IPO7: variants seen among roughly 807,000 people sequenced by gnomAD.
IPO7 encodes the protein importin-7.
A neutral mutation model predicts 136.4 loss-of-function variants in IPO7; 13 were observed. The observed-to-expected ratio is 0.10, with a 90% CI of 0.06 to 0.15. The LOEUF is 0.15. Among genes scored for constraint, IPO7 ranks in the 10% least tolerant of loss-of-function variants. The pLI is 1.00. For synonymous variants in IPO7, 403 were observed against 404.4 expected (o/e 1.00, Z 0.04); for missense variants, 857 against 1,240.6 (o/e 0.69, Z 4.65).
At chr11:9,392,171 C>CTTTTTTTTTTTT in intron 1 of IPO7, 10 of 183,702 alleles carry the variant, frequency 5.4e-5, no homozygotes, top group South Asian at 1.7e-4. Context: ...TTGTCAAATT[C>CTTTTTTTTTTTT]TTTTTTTTTT....
In IPO7 at chr11:9,429,241, G is replaced by A. The variant is rs201811941; in HGVS notation, c.1591+45G>A. On this transcript the variant is annotated intron_variant, in intron 14 of 24. Transcript: ENST00000379719. ...CAAGAAAAGTGAATGTTGGCCAGGTGCGGTAGGTCACACCTGTAATCTTAG... is the reference window on the plus strand; with the variant it reads ...CAAGAAAAGTGAATGTTGGCCAGGTACGGTAGGTCACACCTGTAATCTTAG... 2.0e-6 allele frequency: 3 copies of A among 1,513,224 alleles called. No individual in the cohort carries two copies. In the East Asian group the frequency reaches 6.7e-5, roughly 34 times the overall value. The allele number at this position is 1,513,224 out of a possible 1,614,324, so 93.7% of individuals were successfully genotyped here.
intron 24 of IPO7, among the ~76,000 whole-genome samples, chr11:9,444,181 G>A (rs1251424613): frequency 6.6e-6 from 1 of 151,126 alleles, no homozygotes; most frequent in Non-Finnish European, 1.5e-5. Context: ...GGGAAGCAGA[G>A]GCAGGAGAAT....
At chr11:9,400,367 C>G (rs1854775278) in intron 1 of IPO7, among the ~76,000 whole-genome samples, 1 of 152,072 alleles carries the variant, frequency 6.6e-6, no homozygotes, top group African/African-American at 2.4e-5. Context: ...TTGTCATATT[C>G]AACCCTGTAG....
At chr11:9,424,837 T>A in intron 10 of IPO7, 77 bp from the exon 11 acceptor site, 1 of 935,932 alleles carries the variant, frequency 1.1e-6, no homozygotes, top group Non-Finnish European at 1.7e-6. Flanking sequence ...ATACCTTATG[T>A]AAAGATTAAG....
At chr11:9,422,792 A>T (rs149556942) in intron 8 of IPO7, among the ~76,000 whole-genome samples, 3 of 152,300 alleles carry the variant, frequency 2.0e-5, no homozygotes, top group Non-Finnish European at 4.4e-5. Context: ...TAACAACAAC[A>T]ACAAAAAAAA....
At chr11:9,417,947 A>T (rs560219211) in intron 6 of IPO7, among the ~76,000 whole-genome samples, 1 of 148,738 alleles carries the variant, frequency 6.7e-6, no homozygotes, top group Non-Finnish European at 1.5e-5. Context: ...TTCTGAGCTC[A>T]GGTGATCCGC....
intron 1 of IPO7, among the ~76,000 whole-genome samples, chr11:9,391,093 G>T (rs1376976383): frequency 6.6e-6 from 1 of 151,060 alleles, no homozygotes; most frequent in Non-Finnish European, 1.5e-5. Context: ...TAATAAAAAA[G>T]TTTTTTTTTA....
intron 8 of IPO7, among the ~76,000 whole-genome samples, chr11:9,421,430 C>G (rs1378468722): frequency 6.7e-6 from 1 of 149,402 alleles, no homozygotes; most frequent in Non-Finnish European, 1.5e-5. Context: ...GAGTTCGAGA[C>G]CAGCCTGGCC....
intron 16 of IPO7, among the ~76,000 whole-genome samples, chr11:9,431,866 T>C (rs1025670324): frequency 6.6e-6 from 1 of 151,914 alleles, no homozygotes; most frequent in Non-Finnish European, 1.5e-5. Context: ...TCCCAGCTAC[T>C]TGGGAGGCTG....
chr11:9,427,140 G>A (rs1855221758), intron 12 of IPO7, among the ~76,000 whole-genome samples: 1 of 152,164 alleles, frequency 6.6e-6, no homozygotes, highest in South Asian at 2.1e-4. Flanking sequence ...GTGAGCCACT[G>A]TGCCTGGCCC....
chr11:9,446,213 A>G lies in IPO7; in HGVS notation c.*1019A>G, dbSNP rs887071489. 6.6e-6 allele frequency: 1 copy of G among 152,236 alleles called. No individual in the cohort carries two copies. The highest frequency in any genetic ancestry group is 6.5e-5 in the Admixed American group (1 of 15,288). 9.4% of individuals were successfully genotyped at this position (152,236 alleles called of 1,614,324 possible). A position where few individuals can be genotyped will look rare whatever the true frequency, so the allele number is the denominator to read the frequency against. On this transcript the variant is annotated 3_prime_UTR_variant, in exon 25 of 25. Coordinates refer to ENST00000379719, the MANE Select transcript of IPO7 (RefSeq NM_006391.3). ...TCTATATATGCAATCTATTAAAAGA[A>G]CTTAATTCGGCTATTATGTCTTGAT...
intron 1 of IPO7, among the ~76,000 whole-genome samples, chr11:9,402,494 C>T (rs190763718): frequency 3.4e-5 from 5 of 146,672 alleles, no homozygotes; most frequent in African/African-American, 1.0e-4. Flanking sequence ...GAGGTCGAGG[C>T]GGGTGGATCA....
In IPO7 at chr11:9,447,355, C is replaced by T. The variant is rs554574881; in HGVS notation, c.*2161C>T. On this transcript the variant is annotated 3_prime_UTR_variant, in exon 25 of 25. Transcript: ENST00000379719. ...GTGTCATATAATCCAAACTAATCTC[C>T]GTTTACAGACTTTAACTTGAAATTA... The T allele has an allele frequency of 2.0e-5, 3 of 152,222 alleles. No individual in the cohort carries two copies. Among genetic ancestry groups the T allele is most frequent in the East Asian group, 3.9e-4 (2 of 5,194 alleles). The allele number at this position is 152,222 out of a possible 1,614,324, so 9.4% of individuals were successfully genotyped here.
chr11:9,425,062 G>A (rs755115167), intron 11 of IPO7, 72 bp downstream of exon 11: 146 of 1,296,704 alleles, frequency 1.1e-4, no homozygotes, highest in Non-Finnish European at 1.5e-4. Flanking sequence ...CTTTTTAAAT[G>A]TTAGTCATGT....
rs960615829 is a variant in IPO7, at chr11:9,388,946, A to G, written c.84+4099A>G. On this transcript the variant is annotated intron_variant, in intron 1 of 24. Transcript: ENST00000379719. The stretch of plus-strand genomic sequence containing the variant: ...TGAATTGTTATTTTTTGTTATTGTT[A>G]TTCCTTGATTTCCCAGTAATAGGCT... 5.3e-5 allele frequency among the ~76,000 whole-genome samples: 8 copies of G among 152,056 alleles called. 1 individual carries two copies. The highest frequency in any genetic ancestry group is 1.9e-4 in the African/African-American group (8 of 41,428).
At chr11:9,393,831 A>G (rs1165968687) in intron 1 of IPO7, among the ~76,000 whole-genome samples, 2 of 152,218 alleles carry the variant, frequency 1.3e-5, no homozygotes, top group Non-Finnish European at 2.9e-5. Flanking sequence ...ACTTTCTGGG[A>G]AAATGCATTA....
At chr11:9,402,819 C>G (rs1854820647) in intron 1 of IPO7, 1 of 160,868 alleles carries the variant, frequency 6.2e-6, no homozygotes, top group Non-Finnish European at 1.3e-5. Flanking sequence ...CGCCACTGCA[C>G]TCTCGCCTTG....
rs770203270 is a variant in IPO7, at chr11:9,422,967, A to G, written c.907-39A>G. On this transcript the variant is annotated intron_variant, in intron 8 of 24. Transcript: ENST00000379719. ...TGGCTTGTAAGTGGTTGAAATTTCT[A>G]TTTGAACATTGATTTGTGATCGAAA... is the stretch of plus-strand genomic sequence containing the variant. 4 of 1,378,640 alleles carry G rather than the reference A, an allele frequency of 2.9e-6. No homozygotes were observed. In the South Asian group the frequency reaches 4.8e-5, roughly 17 times the overall value. The allele number at this position is 1,378,640 out of a possible 1,614,324, so 85.4% of individuals were successfully genotyped here. A position where few individuals can be genotyped will look rare whatever the true frequency, so the allele number is the denominator to read the frequency against.
intron 12 of IPO7, among the ~76,000 whole-genome samples, chr11:9,425,861 A>C (rs1855197677): frequency 6.7e-6 from 1 of 149,562 alleles, no homozygotes; most frequent in Non-Finnish European, 1.5e-5. Flanking sequence ...CCTGGGCGAC[A>C]GAGTGAGACT....
Sources: gnomAD v4.1 joint callset for allele counts (sites outside exome capture counted in the v4.1 genomes callset) on GRCh38, gnomAD v4.1.1 for gene constraint, MANE v1.5 for transcripts, NCBI Gene and HGNC (gene_info 2026-07-23, HGNC 2026-07-21) for gene names.